Variants in ASS1 observed in about 807,000 individuals in gnomAD.
The protein encoded by ASS1 is argininosuccinate synthase 1.
A neutral mutation model predicts 60.5 loss-of-function variants in ASS1; 58 were observed. The ratio of observed to expected loss-of-function variants is 0.96; its 90% CI spans 0.78 to 1.19. ASS1 has a LOEUF of 1.19. Ranked by LOEUF, ASS1 falls within the 50% of genes most tolerant of loss-of-function variation. The pLI is 0.00. For synonymous variants in ASS1, 200 were observed against 206.9 expected, an observed-to-expected ratio of 0.97 and a Z score of 0.29; for missense variants, 454 against 547.3, an observed-to-expected ratio of 0.83 and a Z score of 1.70.
At chr9:130,472,351 C>G (rs1323988999) in intron 8 of ASS1, among the ~76,000 whole-genome samples, 1 of 152,096 alleles carries the variant, frequency 6.6e-6, no homozygotes, top group Non-Finnish European at 1.5e-5. Context: ...CCCCAGGGCC[C>G]GGGCGTCTGT....
chr9:130,447,079 G>A (rs1178940953), intron 1 of ASS1, among the ~76,000 whole-genome samples: 1 of 152,230 alleles, frequency 6.6e-6, no homozygotes, highest in Admixed American at 6.5e-5. Context: ...AATCTTCCAC[G>A]GGGCAGTAGG....
chr9:130,488,793 G>A lies in ASS1; in HGVS notation c.839-540G>A, dbSNP rs60044460. ...TTGAGCTCAGTTTCCCCATCTGCAC[G>A]GTGCGGTCAGCCTAGGTGATTGCCC... On this transcript the variant is annotated intron_variant, in intron 11 of 14. Transcript: ENST00000352480. This position sits in a 1 kb window ranked among gnomAD's most constrained non-coding sequence, Gnocchi z 5.2. Among the ~76,000 whole-genome samples, 13 of 152,160 alleles carry A rather than the reference G, an allele frequency of 8.5e-5. No individual in the cohort carries two copies. Among genetic ancestry groups the A allele is most frequent in the African/African-American group, 1.4e-4 (6 of 41,438 alleles).
intron 13 of ASS1, among the ~76,000 whole-genome samples, chr9:130,496,362 A>G (rs1846602363): frequency 6.6e-6 from 1 of 152,048 alleles, no homozygotes; most frequent in Admixed American, 6.5e-5. Flanking sequence ...TCAAGGGCGC[A>G]TTGAGCCATG....
At chr9:130,454,957 TATCC>T (rs1845410893) in intron 3 of ASS1, among the ~76,000 whole-genome samples, 1 of 139,120 alleles carries the variant, frequency 7.2e-6, no homozygotes, top group Non-Finnish European at 1.5e-5. Flanking sequence ...ATCATCCATC[TATCC>T]ATCTATCCAT....
chr9:130,477,441 C>A lies in ASS1; in HGVS notation c.688+480C>A, dbSNP rs1028250265. ...GGGACCCCACATGGAAAGCCTTCGC[C>A]AGTCTTCATTGAGCCGCTCTGGGCC... On this transcript the variant is annotated intron_variant, in intron 9 of 14. Transcript: ENST00000352480. The surrounding 1 kb of genome is among the most constrained non-coding windows in gnomAD (Gnocchi z 4.2). Among the ~76,000 whole-genome samples the A allele has an allele frequency of 6.6e-6, 1 of 152,296 alleles. No individual in the cohort carries two copies. The highest frequency in any genetic ancestry group is 1.9e-4 in the East Asian group (1 of 5,178).
intron 4 of ASS1, among the ~76,000 whole-genome samples, chr9:130,462,578 C>T (rs368996233): frequency 6.6e-6 from 1 of 152,168 alleles, no homozygotes; most frequent in African/African-American, 2.4e-5. Context: ...GCAGCCCAGC[C>T]GTGCCTGGCT....
At chr9:130,487,400 G>GTTTTTTT (rs34339017) in intron 11 of ASS1, among the ~76,000 whole-genome samples, 2 of 147,516 alleles carry the variant, frequency 1.4e-5, no homozygotes. Context: ...ATCCTTCATG[G>GTTTTTTT]TTTTTTTTTT....
At position 130,488,424 on chromosome 9, in the gene ASS1, A is replaced by G. The variant is rs138971979; in HGVS notation, c.839-909A>G. ...CTCTGAAGTTGATGCGAGAGGTCGCACTCCTGGGGCAAGAGGGGGCCTGGG... is the reference window on the plus strand; with the variant it reads ...CTCTGAAGTTGATGCGAGAGGTCGCGCTCCTGGGGCAAGAGGGGGCCTGGG... On this transcript the variant is annotated intron_variant, in intron 11 of 14. Transcript: ENST00000352480. The surrounding 1 kb of genome is among the most constrained non-coding windows in gnomAD (Gnocchi z 5.2). Among the ~76,000 whole-genome samples, 344 of 151,902 alleles carry G rather than the reference A, an allele frequency of 2.3e-3. 2 individuals carry two copies. The highest frequency in any genetic ancestry group is 7.8e-3 in the African/African-American group (324 of 41,416).
At chr9:130,475,921 T>C (rs1846005177) in intron 8 of ASS1, among the ~76,000 whole-genome samples, 1 of 152,036 alleles carries the variant, frequency 6.6e-6, no homozygotes, top group Non-Finnish European at 1.5e-5. Flanking sequence ...CATACCCGGA[T>C]AATTTCTTTT....
At chr9:130,464,838 G>T (rs965001044) in intron 5 of ASS1, among the ~76,000 whole-genome samples, 1 of 151,700 alleles carries the variant, frequency 6.6e-6, no homozygotes, top group East Asian at 2.0e-4. Flanking sequence ...TCCTTCACTC[G>T]CTAGCTCATC....
intron 9 of ASS1, 107 bp from the exon 10 acceptor site, chr9:130,479,609 C>T: frequency 1.1e-6 from 1 of 891,402 alleles, no homozygotes; most frequent in Non-Finnish European, 1.9e-6. Flanking sequence ...CCATATCTGT[C>T]ACATCCATTT....
At chr9:130,453,356 C>T (rs1845368078) in intron 2 of ASS1, among the ~76,000 whole-genome samples, 1 of 152,248 alleles carries the variant, frequency 6.6e-6, no homozygotes, top group African/African-American at 2.4e-5. Flanking sequence ...TCTGGACAGA[C>T]AAAACTTAGC....
chr9:130,453,463 G>A (rs1033428310), intron 2 of ASS1, among the ~76,000 whole-genome samples: 1 of 152,238 alleles, frequency 6.6e-6, no homozygotes. Flanking sequence ...CCCAGGGGAA[G>A]AAATACTTTG....
intron 4 of ASS1, among the ~76,000 whole-genome samples, chr9:130,461,373 G>A (rs1845588673): frequency 7.3e-6 from 1 of 137,908 alleles, no homozygotes; most frequent in Admixed American, 7.1e-5. Context: ...TGGGTTTGAG[G>A]CCTTGGGGGC....
chr9:130,492,477 G>A (rs1395276991), intron 12 of ASS1, among the ~76,000 whole-genome samples: 3 of 152,180 alleles, frequency 2.0e-5, no homozygotes, highest in African/African-American at 7.2e-5. Context: ...CTCTGCATCT[G>A]TGTGTCTGTG....
At chr9:130,483,874 C>T (rs1445874778) in intron 11 of ASS1, among the ~76,000 whole-genome samples, 2 of 151,992 alleles carry the variant, frequency 1.3e-5, no homozygotes, top group Non-Finnish European at 2.9e-5. Flanking sequence ...CCCCACTCTC[C>T]CCTCCTGTCT....
rs867574947 is a variant in ASS1, at chr9:130,489,208, C to A, written c.839-125C>A. ...CAAGCTGGGAGTGAATGGGTCCGGC[C>A]GGCTTGTCTCCTGTCAGACGACTCA... On this transcript the variant is annotated intron_variant, in intron 11 of 14. Coordinates refer to ENST00000352480, the MANE Select transcript of ASS1 (RefSeq NM_054012.4). This position sits in a 1 kb window ranked among gnomAD's most constrained non-coding sequence, Gnocchi z 4.1. 1.2e-5 allele frequency: 17 copies of A among 1,364,590 alleles called. No homozygotes were observed. In the African/African-American group the frequency reaches 1.5e-4, roughly 12 times the overall value. 84.5% of individuals were successfully genotyped at this position (1,364,590 alleles called of 1,614,324 possible). A position where few individuals can be genotyped will look rare whatever the true frequency, so the allele number is the denominator to read the frequency against.
chr9:130,451,589 TC>T (rs2131866698), intron 1 of ASS1: 1 of 348,980 alleles, frequency 2.9e-6, no homozygotes, highest in African/African-American at 2.1e-5. Flanking sequence ...ACAGCATCCT[TC>T]TCCACCTGCA....
intron 9 of ASS1, 62 bp from the exon 10 acceptor site, chr9:130,479,654 C>A (rs554254846): frequency 7.6e-7 from 1 of 1,315,828 alleles, no homozygotes; most frequent in Non-Finnish European, 1.1e-6. Context: ...GGTGGGGTGG[C>A]GGGTGCAGAC....
Sources: allele counts gnomAD v4.1 joint callset (sites outside exome capture counted in the v4.1 genomes callset), GRCh38; gene constraint gnomAD v4.1.1; non-coding constraint Gnocchi (gnomAD v3.1); transcripts MANE v1.5; gene names NCBI Gene and HGNC (gene_info 2026-07-23, HGNC 2026-07-21).